Variants in GGACT observed in about 807,000 individuals in gnomAD.
GGACT encodes gamma-glutamylaminecyclotransferase.
For missense variants in GGACT, 241 were observed against 233.2 expected, an observed-to-expected ratio of 1.03 and a Z score of -0.22; for synonymous variants, 118 against 115.3, an observed-to-expected ratio of 1.02 and a Z score of -0.15.
At chr13:100,577,346 G>A (rs979101403) in intron 2 of GGACT, among the ~76,000 whole-genome samples, 1 of 151,652 alleles carries the variant, frequency 6.6e-6, no homozygotes, top group Non-Finnish European at 1.5e-5. Context: ...AACCCAAGAG[G>A]CAGAGGTTGC....
intron 2 of GGACT, among the ~76,000 whole-genome samples, chr13:100,547,034 G>A (rs1177261208): frequency 6.6e-6 from 1 of 152,222 alleles, no homozygotes; most frequent in Non-Finnish European, 1.5e-5. Context: ...CCTTCAGGCT[G>A]TTGGGAATCC....
At chr13:100,549,692 C>T (rs552933324) in intron 2 of GGACT, among the ~76,000 whole-genome samples, 1 of 152,308 alleles carries the variant, frequency 6.6e-6, no homozygotes, top group South Asian at 2.1e-4. Flanking sequence ...ATTATTAAAA[C>T]CAGTTTAAAC....
In GGACT at chr13:100,532,501, G is replaced by C; in HGVS notation, c.91C>G (p.Arg31Gly). 6.5e-7 allele frequency: 1 copy of C among 1,548,778 alleles called. No homozygotes were observed. The highest frequency in any genetic ancestry group is 8.7e-7 in the Non-Finnish European group (1 of 1,146,146). ...GGCTCCAGCGTGCGGCCGCGCGCCC[G>C]AAAGGCTGCGGAGCCGTGGGCGCCG... ...RDGAHGSAAF[R>G]ARGRTLEPYP... The change falls in exon 3 of 3, where the codon CGG (arginine) becomes GGG (glycine). Residue 31 changes from arginine to glycine, a missense_variant. Arg to Gly is a moderately radical substitution (Grantham distance 125). Coordinates refer to ENST00000683975, the MANE Select transcript of GGACT (RefSeq NM_001195087.2).
rs34897728 is a variant in GGACT, at chr13:100,573,884, C to CAAAA, written c.-11+9937_-11+9940dup. On this transcript the variant is annotated intron_variant, in intron 2 of 2. Coordinates refer to ENST00000683975, the MANE Select transcript of GGACT (RefSeq NM_001195087.2). ...TGTCAAGATGGCATTATCAAAAAGT[C>CAAAA]AAAAAAAAAAAAAAAACATGCTGGC... 4.1e-3 allele frequency among the ~76,000 whole-genome samples: 483 copies of CAAAA among 119,172 alleles called. 8 individuals are homozygous for CAAAA. The East Asian group carries it at 0.041, about 10-fold the overall frequency. The allele number at this position is 119,172 out of a possible 152,430, so 78.2% of individuals were successfully genotyped here.
intron 2 of GGACT, among the ~76,000 whole-genome samples, chr13:100,541,106 A>T (rs2088549852): frequency 6.6e-6 from 1 of 152,264 alleles, no homozygotes; most frequent in Non-Finnish European, 1.5e-5. Context: ...TAGGCAAGCC[A>T]TCTGAGTTTT....
chr13:100,559,555 C>T (rs778742038), intron 2 of GGACT, among the ~76,000 whole-genome samples: 1 of 152,020 alleles, frequency 6.6e-6, no homozygotes, highest in Non-Finnish European at 1.5e-5. Context: ...GGTGCAGTGG[C>T]AACATCTCGG....
intron 2 of GGACT, among the ~76,000 whole-genome samples, chr13:100,552,276 G>A (rs915686610): frequency 6.6e-6 from 1 of 152,194 alleles, no homozygotes; most frequent in African/African-American, 2.4e-5. Flanking sequence ...TGACGAGGCA[G>A]GTGTTACTGT....
intron 2 of GGACT, among the ~76,000 whole-genome samples, chr13:100,563,204 A>C (rs1009108299): frequency 1.3e-5 from 2 of 152,036 alleles, no homozygotes; most frequent in Non-Finnish European, 2.9e-5. Flanking sequence ...TATTATCCTC[A>C]CTCAGAGGGG....
At chr13:100,564,281 C>T (rs2153015534) in intron 2 of GGACT, among the ~76,000 whole-genome samples, 1 of 152,274 alleles carries the variant, frequency 6.6e-6, no homozygotes, top group Non-Finnish European at 1.5e-5. Flanking sequence ...GAACTACTAA[C>T]TTTTAGATTA....
Position 100,532,417 on chromosome 13 carries a change from A to C in GGACT, c.175T>G (p.Ser59Ala). ...NIPWLLHLPGSGRLVEGEVYA... is the reference protein window; with the variant it reads ...NIPWLLHLPGAGRLVEGEVYA... Reference sequence around the variant, plus strand: ...ACCTCGCCCTCCACGAGGCGCCCCGAGCCGGGCAGGTGCAGCAGCCACGGG... The same window carrying C: ...ACCTCGCCCTCCACGAGGCGCCCCGCGCCGGGCAGGTGCAGCAGCCACGGG... The change falls in exon 3 of 3, where the codon TCG becomes GCG. Residue 59 changes from serine (S) to alanine (A), a missense_variant. Coordinates refer to ENST00000683975, the MANE Select transcript of GGACT (RefSeq NM_001195087.2). 7.1e-6 allele frequency: 11 copies of C among 1,550,018 alleles called. No homozygotes were observed. Among genetic ancestry groups the C allele is most frequent in the Non-Finnish European group, 9.6e-6 (11 of 1,146,604 alleles).
In GGACT at chr13:100,532,328, G is replaced by T; in HGVS notation, c.264C>A (p.Tyr88Ter). ...GCTGTACCCGCAGCACCGTGCGCTG[G>T]TACAGGGCCGGGCAACTCTCGAAGT... Reference protein sequence around the residue: ...LDDFESCPALYQRTVLRVQLL... With the variant: ...LDDFESCPAL The change falls in exon 3 of 3, where the codon TAC becomes TAA. Residue 88 changes from tyrosine to a stop codon, truncating the protein, a stop_gained. Coordinates refer to ENST00000683975, the MANE Select transcript of GGACT (RefSeq NM_001195087.2). LOFTEE classifies it low-confidence loss of function (END_TRUNC). 6.5e-7 allele frequency: 1 copy of T among 1,550,330 alleles called. No homozygotes were observed. Among genetic ancestry groups the T allele is most frequent in the Non-Finnish European group, 8.7e-7 (1 of 1,146,476 alleles).
At chr13:100,537,671 G>A (rs890969481) in intron 2 of GGACT, 3 of 152,254 alleles carry the variant, frequency 2.0e-5, no homozygotes, top group Admixed American at 2.0e-4. Context: ...GCACAGCACA[G>A]GCACTCTCCC....
chr13:100,584,524 AC>A (rs1354922698), intron 1 of GGACT, among the ~76,000 whole-genome samples: 4 of 152,178 alleles, frequency 2.6e-5, no homozygotes, highest in Admixed American at 6.5e-5. Flanking sequence ...GTTAATGGGT[AC>A]AAAAACACAG....
intron 2 of GGACT, among the ~76,000 whole-genome samples, chr13:100,565,806 GC>G (rs1435245545): frequency 6.6e-6 from 1 of 152,142 alleles, no homozygotes; most frequent in Non-Finnish European, 1.5e-5. Flanking sequence ...CACCCACCAA[GC>G]CCATGCCTGG....
rs2088315903 is a variant in GGACT, at chr13:100,530,348, T to C, written c.*1782A>G. 1.5e-6 allele frequency: 1 copy of C among 659,114 alleles called. No homozygotes were observed. The highest frequency in any genetic ancestry group is 2.8e-6 in the Non-Finnish European group (1 of 362,442). 40.8% of individuals were successfully genotyped at this position (659,114 alleles called of 1,614,324 possible). A position where few individuals can be genotyped will look rare whatever the true frequency, so the allele number is the denominator to read the frequency against. On this transcript the variant is annotated 3_prime_UTR_variant, in exon 3 of 3. Coordinates refer to ENST00000683975, the MANE Select transcript of GGACT (RefSeq NM_001195087.2). Reference sequence around the variant, plus strand: ...AATCACCAATGGAAATTTTCATTGATATAAATACTTGTACATATGATTTGT... The same window carrying C: ...AATCACCAATGGAAATTTTCATTGACATAAATACTTGTACATATGATTTGT...
chr13:100,542,470 C>T (rs780213980), intron 2 of GGACT, among the ~76,000 whole-genome samples: 2 of 152,220 alleles, frequency 1.3e-5, no homozygotes, highest in Non-Finnish European at 2.9e-5. Flanking sequence ...TAGCATCTTA[C>T]TGTTAATACA....
In GGACT at chr13:100,534,762, C is replaced by T. The variant is rs1480065922; in HGVS notation, c.-10-2161G>A. Reference sequence around the variant, plus strand: ...GCTCTCCTCCTCCAATGCCTGCCTGCATCCCTGTTGTCTTTGTTCCCCTGG... The same window carrying T: ...GCTCTCCTCCTCCAATGCCTGCCTGTATCCCTGTTGTCTTTGTTCCCCTGG... On this transcript the variant is annotated intron_variant, in intron 2 of 2. Coordinates refer to ENST00000683975, the MANE Select transcript of GGACT (RefSeq NM_001195087.2). The surrounding 1 kb of genome is among the most constrained non-coding windows in gnomAD (Gnocchi z 4.9). Among the ~76,000 whole-genome samples the T allele has an allele frequency of 1.3e-5, 2 of 152,234 alleles. No individual in the cohort carries two copies. The highest frequency in any genetic ancestry group is 3.9e-4 in the East Asian group (2 of 5,162).
intron 2 of GGACT, among the ~76,000 whole-genome samples, chr13:100,570,488 C>T (rs553805920): frequency 6.1e-4 from 93 of 152,244 alleles, no homozygotes; most frequent in African/African-American, 1.9e-3. Flanking sequence ...GGGGGGGAAC[C>T]GCTGCCATGA....
rs2088423195 is a variant in GGACT, at chr13:100,532,490, G to A, written c.102C>T (p.Gly34=). Residue 34 remains glycine (G), a synonymous_variant, in exon 3 of 3, where the codon GGC becomes GGT. Transcript: ENST00000683975. ...CCAACGGGTAGGGCTCCAGCGTGCG[G>A]CCGCGCGCCCGAAAGGCTGCGGAGC... ...AHGSAAFRAR[G]RTLEPYPLVI... 1 of 1,548,892 alleles carries A rather than the reference G, an allele frequency of 6.5e-7. No homozygotes were observed. The highest frequency in any genetic ancestry group is 8.7e-7 in the Non-Finnish European group (1 of 1,146,264).
Sources: allele counts gnomAD v4.1 joint callset (sites outside exome capture counted in the v4.1 genomes callset), GRCh38; gene constraint gnomAD v4.1.1; non-coding constraint Gnocchi (gnomAD v3.1); transcripts MANE v1.5; gene names NCBI Gene and HGNC (gene_info 2026-07-23, HGNC 2026-07-21).